SAMD12: variants seen among roughly 807,000 people sequenced by gnomAD.
SAMD12 encodes sterile alpha motif domain containing 12, also known as sterile alpha motif domain-containing protein 12.
In SAMD12, 9 loss-of-function variants were observed where a neutral mutation model predicts 15.0. The ratio of observed to expected loss-of-function variants is 0.60; its 90% CI spans 0.36 to 1.05. SAMD12 has a LOEUF of 1.05. Ranked by LOEUF, SAMD12 falls within the 50% of genes least tolerant of loss-of-function variation. SAMD12 has a pLI of 0.01. For synonymous variants in SAMD12, 86 were observed against 90.1 expected, an observed-to-expected ratio of 0.96 and a Z score of 0.25; for missense variants, 230 against 234.2, an observed-to-expected ratio of 0.98 and a Z score of 0.12.
intron 2 of SAMD12, among the ~76,000 whole-genome samples, chr8:118,556,252 T>C (rs1826525714): frequency 6.6e-6 from 1 of 152,208 alleles, no homozygotes; most frequent in Non-Finnish European, 1.5e-5. Flanking sequence ...TATGATTCTT[T>C]TGTATTCTCA....
At chr8:118,531,610 G>C (rs372724814) in intron 2 of SAMD12, among the ~76,000 whole-genome samples, 21 of 152,160 alleles carry the variant, frequency 1.4e-4, no homozygotes, top group African/African-American at 4.8e-4. Context: ...TTGTTGAGCA[G>C]TAGTTTGTAA....
rs181810295 is a variant in SAMD12 at position 118,312,230 on chromosome 8, A to G, written c.433+67330T>C. ...TAGCAATTGCTACTTTTATCATGTTATATAGCTTTGCAGAGCTTTTGGCTG... is the reference window on the plus strand; with the variant it reads ...TAGCAATTGCTACTTTTATCATGTTGTATAGCTTTGCAGAGCTTTTGGCTG... On this transcript the variant is annotated intron_variant, in intron 4 of 4. Transcript: ENST00000409003. Among the ~76,000 whole-genome samples, 152 of 152,260 alleles carry G rather than the reference A, an allele frequency of 1.0e-3. 1 individual carries two copies. The highest frequency in any genetic ancestry group is 5.8e-4 in the East Asian group (3 of 5,174).
intron 3 of SAMD12, among the ~76,000 whole-genome samples, chr8:118,430,129 T>C (rs76179248): frequency 0.02 from 3,046 of 152,278 alleles, 50 homozygotes; most frequent in Middle Eastern, 0.041. Flanking sequence ...AGAATGTATA[T>C]TGGACATACA....
intron 2 of SAMD12, among the ~76,000 whole-genome samples, chr8:118,526,405 T>C (rs1825537745): frequency 6.6e-6 from 1 of 152,060 alleles, no homozygotes; most frequent in South Asian, 2.1e-4. Context: ...TGTTGTACAA[T>C]TGCAGAGTCT....
At chr8:118,470,259 A>T (rs199580282) in intron 2 of SAMD12, among the ~76,000 whole-genome samples, 18,341 of 143,572 alleles carry the variant, frequency 0.13, 3,066 homozygotes, top group African/African-American at 0.43. Context: ...TTTTTTTTTA[A>T]AAAAAAAGGA....
intron 4 of SAMD12, among the ~76,000 whole-genome samples, chr8:118,348,703 G>A (rs897760072): frequency 6.6e-6 from 1 of 152,214 alleles, no homozygotes; most frequent in Non-Finnish European, 1.5e-5. Flanking sequence ...AGTAAATGAA[G>A]TTATTTCCAG....
chr8:118,593,861 CATA>C (rs1827648981), intron 1 of SAMD12, among the ~76,000 whole-genome samples: 1 of 152,164 alleles, frequency 6.6e-6, no homozygotes, highest in African/African-American at 2.4e-5. Flanking sequence ...AAAAAATAAA[CATA>C]ATGCCACTAT....
the SAMD12 span, among the ~76,000 whole-genome samples, chr8:118,150,090 C>A: frequency 6.6e-6 from 1 of 152,122 alleles, no homozygotes; most frequent in East Asian, 1.9e-4. Context: ...GGTGCTACTG[C>A]GATATGGTGA....
intron 4 of SAMD12, among the ~76,000 whole-genome samples, chr8:118,292,349 G>GACACACAGACACACAC (rs111807707): frequency 0.053 from 7,250 of 137,672 alleles, 660 homozygotes; most frequent in African/African-American, 0.19. Flanking sequence ...CAAACACACA[G>GACACACAGACACACAC]ACACACACAC....
chr8:118,620,517 A>G (rs1828369610), intron 1 of SAMD12, among the ~76,000 whole-genome samples: 1 of 151,872 alleles, frequency 6.6e-6, no homozygotes, highest in Non-Finnish European at 1.5e-5. Context: ...TTTGTTAATA[A>G]AGTTAGGAAA....
chr8:118,159,294 G>T, the SAMD12 span, among the ~76,000 whole-genome samples: 11 of 152,162 alleles, frequency 7.2e-5, no homozygotes, highest in Non-Finnish European at 1.3e-4. Flanking sequence ...ACCTAGTCCA[G>T]TTGCAGCCTT....
chr8:118,419,273 T>C (rs1009976273), intron 3 of SAMD12, among the ~76,000 whole-genome samples: 26 of 131,756 alleles, frequency 2.0e-4, no homozygotes, highest in African/African-American at 7.0e-4. Flanking sequence ...CTGGGTCAAT[T>C]TTTCTTTTTT....
At chr8:118,228,104 C>T (rs1005558224) in intron 4 of SAMD12, among the ~76,000 whole-genome samples, 1 of 152,184 alleles carries the variant, frequency 6.6e-6, no homozygotes, top group African/African-American at 2.4e-5. Flanking sequence ...GAAACTGGAT[C>T]CTCATCTCTC....
At chr8:118,285,735 G>A (rs1225249841) in intron 4 of SAMD12, among the ~76,000 whole-genome samples, 1 of 152,172 alleles carries the variant, frequency 6.6e-6, no homozygotes, top group Non-Finnish European at 1.5e-5. Flanking sequence ...CAATCTCATG[G>A]AGCTATTGAA....
At chr8:118,501,624 G>A (rs891500331) in intron 2 of SAMD12, among the ~76,000 whole-genome samples, 3 of 152,126 alleles carry the variant, frequency 2.0e-5, no homozygotes, top group Admixed American at 6.5e-5. Context: ...GGTTAGTCCC[G>A]TAGACTGCAA....
At chr8:118,259,722 C>T (rs1813032763) in intron 4 of SAMD12, among the ~76,000 whole-genome samples, 1 of 151,992 alleles carries the variant, frequency 6.6e-6, no homozygotes, top group South Asian at 2.1e-4. Context: ...TTCAATTTTA[C>T]TGTACTAGGA....
intron 4 of SAMD12, among the ~76,000 whole-genome samples, chr8:118,245,088 C>T (rs924314532): frequency 2.0e-5 from 3 of 152,152 alleles, no homozygotes; most frequent in Non-Finnish European, 4.4e-5. Flanking sequence ...GCAATCCTGA[C>T]TTTCACACCC....
At chr8:118,369,378 T>C (rs1426619314) in intron 4 of SAMD12, among the ~76,000 whole-genome samples, 3 of 152,122 alleles carry the variant, frequency 2.0e-5, no homozygotes, top group Non-Finnish European at 4.4e-5. Flanking sequence ...AAACTGGACC[T>C]CTTCCTTACA....
chr8:118,180,192 G>A, the SAMD12 span, among the ~76,000 whole-genome samples: 2 of 152,240 alleles, frequency 1.3e-5, no homozygotes, highest in Admixed American at 6.5e-5. Context: ...TTTCTCCTAG[G>A]ATCAGCTGGA....
Sources: gnomAD v4.1 joint callset for allele counts (sites outside exome capture counted in the v4.1 genomes callset) on GRCh38, gnomAD v4.1.1 for gene constraint, MANE v1.5 for transcripts, NCBI Gene and HGNC (gene_info 2026-07-23, HGNC 2026-07-21) for gene names.